The following GRIA4 variants were observed in gnomAD, a reference collection of about 807,000 sequenced individuals.
GRIA4 encodes the protein glutamate receptor 4.
GRIA4 carries 34 observed loss-of-function variants against 104.0 expected under a neutral mutation model. The observed-to-expected ratio is 0.33, with a 90% CI of 0.25 to 0.44. The LOEUF (loss-of-function observed/expected upper bound fraction) is 0.44. Ranked by LOEUF, GRIA4 falls within the 20% of genes least tolerant of loss-of-function variation. GRIA4 has a pLI of 1.00. For missense variants in GRIA4, 750 were observed against 1,096.5 expected (o/e 0.68, Z 4.46); for synonymous variants, 386 against 381.9 (o/e 1.01, Z -0.13).
chr11:105,755,793 G>T (rs935238692), intron 4 of GRIA4, among the ~76,000 whole-genome samples: 1 of 152,162 alleles, frequency 6.6e-6, no homozygotes, highest in African/African-American at 2.4e-5. Context: ...GGGTAAATTT[G>T]TTCTCTGTGC....
chr11:105,706,016 T>C (rs963082812), intron 3 of GRIA4, among the ~76,000 whole-genome samples: 1 of 152,194 alleles, frequency 6.6e-6, no homozygotes, highest in Non-Finnish European at 1.5e-5. Context: ...GGAGAGTGAT[T>C]GAACAGAATT....
chr11:105,872,604 T>C (rs1257230683), intron 5 of GRIA4, among the ~76,000 whole-genome samples: 2 of 152,144 alleles, frequency 1.3e-5, no homozygotes, highest in Non-Finnish European at 2.9e-5. Flanking sequence ...CATAACAGTA[T>C]GTGATATTTG....
chr11:105,706,926 T>C (rs1293587418), intron 3 of GRIA4: 2 of 152,270 alleles, frequency 1.3e-5, no homozygotes, highest in African/African-American at 4.8e-5. Flanking sequence ...CCATGCTTTA[T>C]ATACGTCAAA....
intron 3 of GRIA4, among the ~76,000 whole-genome samples, chr11:105,668,358 T>C (rs1041241307): frequency 6.7e-6 from 1 of 148,604 alleles, no homozygotes; most frequent in African/African-American, 2.5e-5. Flanking sequence ...AATTATTATA[T>C]ATTGTATATA....
chr11:105,798,882 T>G (rs1369696390), intron 4 of GRIA4, among the ~76,000 whole-genome samples: 1 of 152,100 alleles, frequency 6.6e-6, no homozygotes, highest in Non-Finnish European at 1.5e-5. Context: ...AATTTTGAAG[T>G]GCTTATCATT....
At position 105,791,929 on chromosome 11, in the gene GRIA4, T is replaced by C. The variant is rs933341464; in HGVS notation, c.487+38709T>C. 2.0e-5 allele frequency among the ~76,000 whole-genome samples: 3 copies of C among 152,256 alleles called. No homozygotes were observed. The South Asian group carries it at 6.2e-4, about 32-fold the overall frequency. On this transcript the variant is annotated intron_variant, in intron 4 of 16. Transcript: ENST00000282499. ...AAATGTAGAAGGGCTGGGGACGTTC[T>C]CAGGGAATTTCATGTAAGACAGTTT... is the stretch of plus-strand genomic sequence containing the variant.
intron 3 of GRIA4, among the ~76,000 whole-genome samples, chr11:105,628,449 C>A (rs1340268737): frequency 6.6e-6 from 1 of 152,090 alleles, no homozygotes; most frequent in Non-Finnish European, 1.5e-5. Context: ...GTTGGAGAGA[C>A]CCGGACGTTG....
chr11:105,716,233 A>G (rs1181466144), intron 3 of GRIA4, among the ~76,000 whole-genome samples: 1 of 152,188 alleles, frequency 6.6e-6, no homozygotes, highest in Non-Finnish European at 1.5e-5. Context: ...AAACCATTAT[A>G]TCTTGTGGAA....
chr11:105,708,147 G>T (rs1953774657), intron 3 of GRIA4, among the ~76,000 whole-genome samples: 1 of 152,008 alleles, frequency 6.6e-6, no homozygotes, highest in African/African-American at 2.4e-5. Flanking sequence ...AACTTATTTT[G>T]TACTTTTGGA....
At chr11:105,855,968 T>G (rs1944994482) in intron 4 of GRIA4, among the ~76,000 whole-genome samples, 1 of 152,064 alleles carries the variant, frequency 6.6e-6, no homozygotes, top group Non-Finnish European at 1.5e-5. Flanking sequence ...CCCTAAGAGT[T>G]CAATCTGAAA....
chr11:105,969,113 A>G (rs1208791137), intron 14 of GRIA4, among the ~76,000 whole-genome samples: 1 of 152,174 alleles, frequency 6.6e-6, no homozygotes, highest in African/African-American at 2.4e-5. Flanking sequence ...TCTAGGTATT[A>G]TATTTGGTCG....
At chr11:105,690,724 C>A (rs1373796816) in intron 3 of GRIA4, among the ~76,000 whole-genome samples, 1 of 152,186 alleles carries the variant, frequency 6.6e-6, no homozygotes, top group Non-Finnish European at 1.5e-5. Context: ...AGAGAACATT[C>A]ACCCACCCAT....
chr11:105,867,859 C>T (rs1169254085), intron 5 of GRIA4, among the ~76,000 whole-genome samples: 1 of 152,144 alleles, frequency 6.6e-6, no homozygotes, highest in African/African-American at 2.4e-5. Flanking sequence ...GATTCAGTGG[C>T]ATACACTCTG....
At chr11:105,726,001 T>G (rs1270268268) in intron 3 of GRIA4, among the ~76,000 whole-genome samples, 1 of 152,046 alleles carries the variant, frequency 6.6e-6, no homozygotes, top group Non-Finnish European at 1.5e-5. Context: ...CTGCAGGAGT[T>G]TTTTTTCATA....
chr11:105,799,351 T>C (rs1054835609), intron 4 of GRIA4, among the ~76,000 whole-genome samples: 2 of 151,982 alleles, frequency 1.3e-5, no homozygotes, highest in Admixed American at 6.6e-5. Context: ...AAACTGAGGA[T>C]GGCAGGAATA....
intron 5 of GRIA4, 105 bp downstream of exon 5, chr11:105,862,313 T>G: frequency 1.5e-6 from 1 of 664,770 alleles, no homozygotes; most frequent in Non-Finnish European, 2.6e-6. Flanking sequence ...TAATTTGGAG[T>G]GTGAGGTTTG....
At chr11:105,710,051 C>A (rs1246955097) in intron 3 of GRIA4, among the ~76,000 whole-genome samples, 1 of 152,058 alleles carries the variant, frequency 6.6e-6, no homozygotes, top group African/African-American at 2.4e-5. Context: ...CAATCCCAAG[C>A]ATGTAGCATA....
At chr11:105,612,494 T>A in intron 3 of GRIA4, 60 bp downstream of exon 3, 1 of 1,293,356 alleles carries the variant, frequency 7.7e-7, no homozygotes, top group Non-Finnish European at 1.1e-6. Context: ...AATGGAGTCC[T>A]CTTCCTCTTT....
At chr11:105,657,326 C>T (rs904453921) in intron 3 of GRIA4, among the ~76,000 whole-genome samples, 2 of 151,942 alleles carry the variant, frequency 1.3e-5, no homozygotes, top group African/African-American at 2.4e-5. Flanking sequence ...CGCTAAGTAA[C>T]TTATCCATGT....
Sources: allele counts gnomAD v4.1 joint callset (sites outside exome capture counted in the v4.1 genomes callset), GRCh38; gene constraint gnomAD v4.1.1; transcripts MANE v1.5; gene names NCBI Gene and HGNC (gene_info 2026-07-23, HGNC 2026-07-21).